The following CDH26 variants were observed in gnomAD, a reference collection of about 807,000 sequenced individuals.
CDH26 encodes cadherin 26.
In CDH26, 83 loss-of-function variants were observed where a neutral mutation model predicts 90.3. The ratio of observed to expected loss-of-function variants is 0.92; its 90% CI spans 0.77 to 1.10. CDH26 has a LOEUF of 1.10. Ranked by LOEUF, CDH26 falls within the 50% of genes least tolerant of loss-of-function variation. The probability of loss-of-function intolerance (pLI) is 0.00; values close to 1 mark genes in which losing one functional copy is unlikely to be tolerated. For synonymous variants in CDH26, 397 were observed against 396.3 expected, an observed-to-expected ratio of 1.00 and a Z score of -0.02; for missense variants, 1,013 against 1,037.6, an observed-to-expected ratio of 0.98 and a Z score of 0.33.
At chr20:59,970,247 G>T in intron 3 of CDH26, 61 bp downstream of exon 3, 1 of 1,585,216 alleles carries the variant, frequency 6.3e-7, no homozygotes, top group South Asian at 1.2e-5. Context: ...ACGCCCCTTT[G>T]GCCAGGAAGA....
intron 4 of CDH26, among the ~76,000 whole-genome samples, chr20:59,981,673 T>C (rs2061396506): frequency 6.6e-6 from 1 of 152,150 alleles, no homozygotes; most frequent in African/African-American, 2.4e-5. Context: ...GTTAGTATTT[T>C]GTTGAGAACT....
chr20:59,976,721 G>C (rs1601114742), intron 4 of CDH26, among the ~76,000 whole-genome samples: 1 of 152,138 alleles, frequency 6.6e-6, no homozygotes, highest in Non-Finnish European at 1.5e-5. Context: ...GTCCTGCTGT[G>C]GGGGAGGAGG....
intron 1 of CDH26, among the ~76,000 whole-genome samples, chr20:59,965,705 G>A (rs1031541987): frequency 6.6e-6 from 1 of 152,216 alleles, no homozygotes; most frequent in African/African-American, 2.4e-5. Context: ...ACCTGGAACA[G>A]ATAATTGTGG....
intron 4 of CDH26, among the ~76,000 whole-genome samples, chr20:59,976,687 G>T (rs951310162): frequency 6.6e-6 from 1 of 152,142 alleles, no homozygotes; most frequent in Non-Finnish European, 1.5e-5. Flanking sequence ...TAGCTCAGTG[G>T]TAGAAGCCCT....
chr20:59,987,372 T>C, intron 7 of CDH26, 81 bp from the exon 8 acceptor site: 2 of 1,144,168 alleles, frequency 1.7e-6, no homozygotes, highest in South Asian at 3.1e-5. Flanking sequence ...TCTCTCTGCT[T>C]CTCTCCCTCC....
At chr20:59,985,384 G>A (rs1247240467) in intron 7 of CDH26, among the ~76,000 whole-genome samples, 1 of 152,136 alleles carries the variant, frequency 6.6e-6, no homozygotes. Context: ...GAAGGACGGG[G>A]GGAGCAGGCA....
chr20:60,030,759 G>A lies in CDH26; in HGVS notation c.948-472G>A, dbSNP rs2062034035. On this transcript the variant is annotated intron_variant, in intron 7 of 8. Coordinates refer to the CDH26 transcript ENST00000370991. The surrounding 1 kb of genome is among the most constrained non-coding windows in gnomAD (Gnocchi z 4.0). The stretch of plus-strand genomic sequence containing the variant: ...CCAGATGTGGGAAGCATGGAAGTGA[G>A]CTGAGAGGGAGTGGAGTGGGTTCTA... 2.0e-5 allele frequency among the ~76,000 whole-genome samples: 3 copies of A among 152,176 alleles called. No individual in the cohort carries two copies. Among genetic ancestry groups the A allele is most frequent in the Admixed American group, 6.5e-5 (1 of 15,282 alleles).
rs200706291 is a variant in CDH26, at chr20:60,011,432, G to A, written c.2296-1095G>A. Among the ~76,000 whole-genome samples, 4 of 152,158 alleles carry A rather than the reference G, an allele frequency of 2.6e-5. No homozygotes were observed. In the East Asian group the frequency reaches 7.7e-4, roughly 29 times the overall value. On this transcript the variant is annotated intron_variant, in intron 17 of 17. Transcript: ENST00000348616. ...ATGGATTTGGCGTGCTTGTTATTGT[G>A]TTTTGAAATATACGATAAAATGGCC...
chr20:59,975,254 G>T (rs556038771), intron 4 of CDH26, among the ~76,000 whole-genome samples: 1 of 152,300 alleles, frequency 6.6e-6, no homozygotes, highest in South Asian at 2.1e-4. Context: ...CCAGTGACCA[G>T]TATTTTTAGA....
At chr20:59,999,689 G>C in intron 14 of CDH26, 26 bp downstream of exon 14, 1 of 1,610,042 alleles carries the variant, frequency 6.2e-7, no homozygotes, top group East Asian at 2.2e-5. Flanking sequence ...CTTGCTTCTG[G>C]ATTTCAGAGA....
At chr20:59,967,864 TCTTTCTTTCTTTCTTCCTTCCTTCCTTC>T (rs1483414316) in intron 1 of CDH26, among the ~76,000 whole-genome samples, 3 of 114,934 alleles carry the variant, frequency 2.6e-5, no homozygotes, top group African/African-American at 1.5e-4. Flanking sequence ...TTTCTTTCTT[TCTTTCTTTCTTTCTTCCTTCCTTCCTTC>T]CTTCCTTCCT....
chr20:59,965,219 C>A (rs142369641), intron 1 of CDH26, among the ~76,000 whole-genome samples: 70 of 152,200 alleles, frequency 4.6e-4, no homozygotes, highest in African/African-American at 1.6e-3. Context: ...ATAACATCAC[C>A]CACCCACCAC....
In CDH26 at chr20:59,994,325, G is replaced by A. The variant is rs748571321; in HGVS notation, c.1502G>A (p.Arg501Gln). 29 of 1,613,774 alleles carry A rather than the reference G, an allele frequency of 1.8e-5. No homozygotes were observed. The highest frequency in any genetic ancestry group is 3.3e-5 in the South Asian group (3 of 91,058). ...SDINDNVPTL[R>Q]PRSRYMEVCE... is the part of the protein sequence containing the mutation. ...ATCAATGACAACGTCCCGACTCTCC[G>A]GCCACGTTCCCGCTACATGGAGGTC... The change falls in exon 11 of 18, where the codon CGG (arginine) becomes CAG (glutamine). Residue 501 changes from arginine (R) to glutamine (Q), a missense_variant. Coordinates refer to ENST00000348616, the MANE Select transcript of CDH26 (RefSeq NM_177980.4).
At chr20:60,006,089 G>C (rs568476033) in intron 16 of CDH26, among the ~76,000 whole-genome samples, 13 of 152,276 alleles carry the variant, frequency 8.5e-5, no homozygotes, top group Non-Finnish European at 1.3e-4. Flanking sequence ...TACATTTACC[G>C]CCACTCTTGG....
At chr20:59,959,458 G>A (rs194975) in intron 1 of CDH26, among the ~76,000 whole-genome samples, 2,656 of 150,992 alleles carry the variant, frequency 0.018, 78 homozygotes, top group African/African-American at 0.061. Context: ...GCTACAGTGC[G>A]TGGTGACATC....
chr20:60,020,561 A>G (rs895815385), intron 7 of CDH26, among the ~76,000 whole-genome samples: 1 of 152,254 alleles, frequency 6.6e-6, no homozygotes, highest in East Asian at 1.9e-4. Flanking sequence ...TGGGGTTGTG[A>G]CATTCAGACA....
intron 14 of CDH26, among the ~76,000 whole-genome samples, chr20:59,999,877 G>A (rs775948411): frequency 9.2e-5 from 14 of 152,080 alleles, no homozygotes; most frequent in African/African-American, 3.4e-4. Context: ...ACTTTGCTGC[G>A]GTGTCAGATG....
downstream of CDH26, among the ~76,000 whole-genome samples, chr20:60,015,858 C>T (rs1458471695): frequency 1.3e-5 from 2 of 152,156 alleles, no homozygotes; most frequent in Non-Finnish European, 2.9e-5. Flanking sequence ...CTACTTTCCC[C>T]AGCACCATTT....
rs190754304 is a variant in CDH26, at chr20:59,970,575, C to A, written c.231+389C>A. Among the ~76,000 whole-genome samples the A allele has an allele frequency of 1.2e-3, 178 of 151,486 alleles. 1 individual carries two copies. The highest frequency in any genetic ancestry group is 9.9e-3 in the Admixed American group (150 of 15,228). On this transcript the variant is annotated intron_variant, in intron 3 of 17. Transcript: ENST00000348616. Reference sequence around the variant, plus strand: ...CCTGTAATCCCAGCACTTTGGGAGGCCGAGGCGGGCGGATCAGGAGATCAG... The same window carrying A: ...CCTGTAATCCCAGCACTTTGGGAGGACGAGGCGGGCGGATCAGGAGATCAG...
Sources: allele counts gnomAD v4.1 joint callset (sites outside exome capture counted in the v4.1 genomes callset), GRCh38; gene constraint gnomAD v4.1.1; non-coding constraint Gnocchi (gnomAD v3.1); transcripts MANE v1.5; gene names NCBI Gene and HGNC (gene_info 2026-07-23, HGNC 2026-07-21).